EXOC4: variants seen among roughly 807,000 people sequenced by gnomAD.
The protein encoded by EXOC4 is exocyst complex component 4, also known as SEC8-like 1.
A neutral mutation model predicts 107.2 loss-of-function variants in EXOC4; 71 were observed. The ratio of observed to expected loss-of-function variants is 0.66; its 90% confidence interval spans 0.55 to 0.81. EXOC4 has a LOEUF of 0.81. Among genes scored for constraint, EXOC4 ranks in the 30% least tolerant of loss-of-function variants. The probability of loss-of-function intolerance (pLI) is 0.00; values close to 1 mark genes in which losing one functional copy is unlikely to be tolerated. For synonymous variants in EXOC4, 456 were observed against 441.2 expected (o/e 1.03, Z -0.42); for missense variants, 1,108 against 1,189.6 (o/e 0.93, Z 1.01).
intron 9 of EXOC4, among the ~76,000 whole-genome samples, chr7:133,520,591 A>C (rs1056598442): frequency 2.6e-5 from 4 of 152,164 alleles, no homozygotes; most frequent in African/African-American, 9.7e-5. Context: ...TATTCCAATA[A>C]AATATTTGGT....
intron 9 of EXOC4, among the ~76,000 whole-genome samples, chr7:133,545,100 G>C (rs904362358): frequency 6.6e-6 from 1 of 151,478 alleles, no homozygotes; most frequent in Non-Finnish European, 1.5e-5. Context: ...CTATGTGGTC[G>C]CTATTTCTCT....
intron 10 of EXOC4, among the ~76,000 whole-genome samples, chr7:133,639,174 CGT>C (rs1229957864): frequency 2.0e-5 from 3 of 152,042 alleles, no homozygotes; most frequent in African/African-American, 7.3e-5. Flanking sequence ...CCTTTAATAA[CGT>C]ATATTCCTTT....
At chr7:133,898,586 A>G (rs1279589603) in intron 12 of EXOC4, among the ~76,000 whole-genome samples, 2 of 151,826 alleles carry the variant, frequency 1.3e-5, no homozygotes, top group Non-Finnish European at 2.9e-5. Context: ...TCTACTAAAA[A>G]TACAAAAAAA....
chr7:133,450,201 C>G (rs1247899749), intron 7 of EXOC4, among the ~76,000 whole-genome samples: 2 of 151,966 alleles, frequency 1.3e-5, no homozygotes, highest in Non-Finnish European at 1.5e-5. Context: ...GAGACAGAGT[C>G]TTGCCCTGTT....
intron 7 of EXOC4, among the ~76,000 whole-genome samples, chr7:133,382,951 A>G (rs1253679725): frequency 6.6e-6 from 1 of 152,186 alleles, no homozygotes; most frequent in African/African-American, 2.4e-5. Flanking sequence ...CTATCATAGT[A>G]ACGGGGTGTT....
intron 9 of EXOC4, among the ~76,000 whole-genome samples, chr7:133,627,586 A>C (rs1206123284): frequency 1.3e-5 from 2 of 152,186 alleles, no homozygotes; most frequent in Non-Finnish European, 2.9e-5. Context: ...TAGATTTTAT[A>C]ATCTTAAAAG....
chr7:133,278,698 G>A (rs1028903057), intron 2 of EXOC4, among the ~76,000 whole-genome samples: 1 of 152,156 alleles, frequency 6.6e-6, no homozygotes, highest in Admixed American at 6.5e-5. Context: ...GTGGGTGGGT[G>A]TAGGGAAGTC....
intron 7 of EXOC4, among the ~76,000 whole-genome samples, chr7:133,427,614 C>T (rs147903204): frequency 1.1e-3 from 163 of 152,300 alleles, no homozygotes; most frequent in African/African-American, 3.7e-3. Flanking sequence ...CGTTGGGGTG[C>T]AGGGAGATGT....
intron 10 of EXOC4, among the ~76,000 whole-genome samples, chr7:133,766,138 A>C (rs1796134246): frequency 6.6e-6 from 1 of 151,970 alleles, no homozygotes; most frequent in Non-Finnish European, 1.5e-5. Flanking sequence ...TTTTACTTGA[A>C]TATGGCTTTT....
intron 9 of EXOC4, among the ~76,000 whole-genome samples, chr7:133,566,178 C>G (rs552809394): frequency 1.3e-5 from 2 of 152,150 alleles, no homozygotes; most frequent in East Asian, 1.9e-4. Flanking sequence ...AAATTTATAG[C>G]TTTTTAATGC....
intron 11 of EXOC4, among the ~76,000 whole-genome samples, chr7:133,859,054 TC>T (rs1341146078): frequency 6.6e-6 from 1 of 152,176 alleles, no homozygotes; most frequent in African/African-American, 2.4e-5. Context: ...AATTTGTTCT[TC>T]AAAAACCTTA....
chr7:133,601,193 T>C (rs1019111355), intron 9 of EXOC4, among the ~76,000 whole-genome samples: 3 of 152,188 alleles, frequency 2.0e-5, no homozygotes, highest in African/African-American at 7.2e-5. Context: ...GATTGCTTTT[T>C]TAATTCATTG....
chr7:133,736,145 C>G (rs919763059), intron 10 of EXOC4, among the ~76,000 whole-genome samples: 1 of 152,102 alleles, frequency 6.6e-6, no homozygotes, highest in African/African-American at 2.4e-5. Context: ...TTTCTACTTA[C>G]AAGCATGCTC....
At chr7:133,723,663 G>A (rs1394678662) in intron 10 of EXOC4, among the ~76,000 whole-genome samples, 1 of 152,012 alleles carries the variant, frequency 6.6e-6, no homozygotes, top group Non-Finnish European at 1.5e-5. Flanking sequence ...CTAATTTTTT[G>A]TATTTTTAGT....
rs1562891887 is a variant in EXOC4 at position 133,650,936 on chromosome 7, A to AGT, written c.1514+20796_1514+20797dup. Among the ~76,000 whole-genome samples the AGT allele has an allele frequency of 3.7e-4, 12 of 32,164 alleles. No homozygotes were observed. The South Asian group carries it at 5.7e-3, about 15-fold the overall frequency. The allele number at this position is 32,164 out of a possible 152,430, so 21.1% of individuals were successfully genotyped here. A position where few individuals can be genotyped will look rare whatever the true frequency, so the allele number is the denominator to read the frequency against. ...TTCTTAGTACATACTGAGATTGGTCAGTTTTTTTTTTTTTTTTTTTTTTTT... is the reference window on the plus strand; with the variant it reads ...TTCTTAGTACATACTGAGATTGGTCAGTGTTTTTTTTTTTTTTTTTTTTTTTT... On this transcript the variant is annotated intron_variant, in intron 10 of 17. Coordinates refer to ENST00000253861, the MANE Select transcript of EXOC4 (RefSeq NM_021807.4).
At chr7:133,977,867 C>G (rs1793880087) in intron 14 of EXOC4, among the ~76,000 whole-genome samples, 1 of 152,072 alleles carries the variant, frequency 6.6e-6, no homozygotes, top group Non-Finnish European at 1.5e-5. Flanking sequence ...ACTAAGGAAG[C>G]AGGGAAGGCA....
At chr7:133,726,268 T>C (rs1382263714) in intron 10 of EXOC4, among the ~76,000 whole-genome samples, 1 of 152,174 alleles carries the variant, frequency 6.6e-6, no homozygotes, top group African/African-American at 2.4e-5. Flanking sequence ...AAAAGAAGAC[T>C]GCAGAAGGGT....
chr7:133,850,597 C>G (rs781261501), intron 11 of EXOC4, among the ~76,000 whole-genome samples: 1 of 151,638 alleles, frequency 6.6e-6, no homozygotes, highest in Non-Finnish European at 1.5e-5. Context: ...TAGAATCATA[C>G]GTTCAGACAT....
intron 1 of EXOC4, among the ~76,000 whole-genome samples, chr7:133,264,880 A>G (rs192647355): frequency 7.2e-5 from 11 of 152,180 alleles, no homozygotes; most frequent in Admixed American, 2.6e-4. Flanking sequence ...ATTCATACTT[A>G]GGACAGGCTT....
Sources: gnomAD v4.1 joint callset for allele counts (sites outside exome capture counted in the v4.1 genomes callset) on GRCh38, gnomAD v4.1.1 for gene constraint, MANE v1.5 for transcripts, NCBI Gene and HGNC (gene_info 2026-07-23, HGNC 2026-07-21) for gene names.